The following PKN2 variants were observed in gnomAD, a reference collection of about 807,000 sequenced individuals.
The protein encoded by PKN2 is protein kinase N2.
Under a neutral mutation model 119.1 loss-of-function variants are expected in PKN2, and 38 were observed. The observed-to-expected ratio is 0.32, with a 90% CI of 0.25 to 0.42. PKN2 has a LOEUF of 0.42. Among genes scored for constraint, PKN2 ranks in the 10% least tolerant of loss-of-function variants. PKN2 has a pLI of 1.00. For missense variants in PKN2, 850 were observed against 1,165.1 expected, an observed-to-expected ratio of 0.73 and a Z score of 3.94; for synonymous variants, 390 against 384.9, an observed-to-expected ratio of 1.01 and a Z score of -0.15.
At chr1:88,761,378 A>G (rs1372240250) in intron 3 of PKN2, among the ~76,000 whole-genome samples, 1 of 151,960 alleles carries the variant, frequency 6.6e-6, no homozygotes, top group Non-Finnish European at 1.5e-5. Context: ...TAATTTCTTA[A>G]TAAAAGTTCT....
intron 6 of PKN2, among the ~76,000 whole-genome samples, chr1:88,778,098 G>A (rs990496307): frequency 6.6e-6 from 1 of 152,050 alleles, no homozygotes; most frequent in African/African-American, 2.4e-5. Flanking sequence ...ATCTTTTCTG[G>A]ACCCAACTAA....
chr1:88,819,565 G>T (rs753526340), intron 16 of PKN2, among the ~76,000 whole-genome samples: 1 of 152,192 alleles, frequency 6.6e-6, no homozygotes, highest in Non-Finnish European at 1.5e-5. Flanking sequence ...CACTGTTGGT[G>T]GGAGTGTAAA....
intron 16 of PKN2, among the ~76,000 whole-genome samples, chr1:88,817,839 C>T (rs1171110200): frequency 6.6e-6 from 1 of 151,932 alleles, no homozygotes; most frequent in African/African-American, 2.4e-5. Context: ...AACCCACAGC[C>T]AATATTCAAC....
intron 1 of PKN2, among the ~76,000 whole-genome samples, chr1:88,698,697 C>T (rs1666641519): frequency 6.6e-6 from 1 of 152,138 alleles, no homozygotes; most frequent in Non-Finnish European, 1.5e-5. Context: ...ATTAGTCCTA[C>T]TCCCCAGAAG....
chr1:88,781,072 C>T, intron 6 of PKN2: 1 of 1,161,596 alleles, frequency 8.6e-7, no homozygotes, highest in Non-Finnish European at 1.1e-6. Context: ...CCTACTGGAC[C>T]ATAAACTAAA....
chr1:88,769,310 G>C (rs1007370947), intron 3 of PKN2, among the ~76,000 whole-genome samples: 1 of 151,970 alleles, frequency 6.6e-6, no homozygotes, highest in Non-Finnish European at 1.5e-5. Context: ...TTGTCACCAG[G>C]GTTGACAAAT....
intron 17 of PKN2, among the ~76,000 whole-genome samples, chr1:88,823,540 G>T (rs1172443497): frequency 6.7e-6 from 1 of 149,928 alleles, no homozygotes; most frequent in Admixed American, 6.7e-5. Context: ...CATCTCTACT[G>T]CAAATAAAAA....
intron 8 of PKN2, among the ~76,000 whole-genome samples, chr1:88,794,377 A>C (rs1670975621): frequency 6.6e-6 from 1 of 152,140 alleles, no homozygotes; most frequent in Non-Finnish European, 1.5e-5. Context: ...CAAAAAAAAA[A>C]AAAAAAAATC....
intron 1 of PKN2, among the ~76,000 whole-genome samples, chr1:88,736,144 C>T (rs1249478049): frequency 2.0e-5 from 3 of 152,196 alleles, no homozygotes; most frequent in East Asian, 1.9e-4. Context: ...TTTTGTTCAT[C>T]GTATTTTTCA....
rs189193989 is a variant in PKN2, at chr1:88,797,442, G to A, written c.1282-6949G>A. ...GCGGATCACGAGGTCAAGAGATCAA[G>A]ACCATCCTTGCCAACATGGTGAAAC... On this transcript the variant is annotated intron_variant, in intron 8 of 21. Coordinates refer to ENST00000370521, the MANE Select transcript of PKN2 (RefSeq NM_006256.4). 2.5e-3 allele frequency among the ~76,000 whole-genome samples: 384 copies of A among 151,386 alleles called. 1 individual carries two copies. Among genetic ancestry groups the A allele is most frequent in the African/African-American group, 8.7e-3 (358 of 41,242 alleles).
intron 1 of PKN2, among the ~76,000 whole-genome samples, chr1:88,713,746 G>T (rs1452278498): frequency 6.6e-6 from 1 of 152,100 alleles, no homozygotes; most frequent in Admixed American, 6.5e-5. Flanking sequence ...CACTCTGATG[G>T]TAGTTTCTTT....
chr1:88,834,324 C>A lies in PKN2; in HGVS notation c.*876C>A, dbSNP rs935545296. On this transcript the variant is annotated 3_prime_UTR_variant, in exon 22 of 22. Coordinates refer to ENST00000370521, the MANE Select transcript of PKN2 (RefSeq NM_006256.4). ...TGGTATTCACTCTACATCTGCCAAC[C>A]TAGTTCACCTTGGTTTTGTGTCTGC... The A allele has an allele frequency of 3.9e-5, 6 of 152,430 alleles. No homozygotes were observed. The highest frequency in any genetic ancestry group is 1.4e-4 in the African/African-American group (6 of 41,412). The allele number at this position is 152,430 out of a possible 1,614,324, so 9.4% of individuals were successfully genotyped here.
chr1:88,737,700 C>T (rs1170448884), intron 1 of PKN2, among the ~76,000 whole-genome samples: 1 of 152,130 alleles, frequency 6.6e-6, no homozygotes, highest in African/African-American at 2.4e-5. Flanking sequence ...CTAGCTTGGT[C>T]TGGGGTTAAG....
intron 19 of PKN2, chr1:88,829,115 G>A (rs560396342): frequency 2.7e-6 from 2 of 728,648 alleles, no homozygotes; most frequent in Non-Finnish European, 5.2e-6. Context: ...GATGGAGAGA[G>A]GAGAAAACCT....
rs539126252 is a variant in PKN2 at position 88,708,424 on chromosome 1, G to GA, written c.48+23804dup. Reference sequence around the variant, plus strand: ...CTTCGGGGTACTGCTTATATCCATGGAAAAAAAATGTTTCTTTGTTTTGGA... The same window carrying GA: ...CTTCGGGGTACTGCTTATATCCATGGAAAAAAAAATGTTTCTTTGTTTTGGA... On this transcript the variant is annotated intron_variant, in intron 1 of 21. Transcript: ENST00000370521. Among the ~76,000 whole-genome samples the GA allele has an allele frequency of 4.6e-5, 7 of 151,250 alleles. No homozygotes were observed. The South Asian group carries it at 6.3e-4, about 14-fold the overall frequency.
chr1:88,726,556 C>T (rs111295666), intron 1 of PKN2, among the ~76,000 whole-genome samples: 28 of 152,106 alleles, frequency 1.8e-4, no homozygotes, highest in African/African-American at 4.6e-4. Context: ...TCTTTTTCTT[C>T]GGTACTATAT....
intron 10 of PKN2, 77 bp from the exon 11 acceptor site, chr1:88,805,420 T>G: frequency 8.0e-7 from 1 of 1,257,148 alleles, no homozygotes; most frequent in Non-Finnish European, 1.1e-6. Flanking sequence ...AACTAATGGA[T>G]AAGAATTTTT....
intron 3 of PKN2, among the ~76,000 whole-genome samples, chr1:88,764,460 T>C (rs1335235164): frequency 6.6e-6 from 1 of 152,212 alleles, no homozygotes; most frequent in Non-Finnish European, 1.5e-5. Flanking sequence ...CATTAGAATA[T>C]AAATTTCATG....
At chr1:88,832,925 A>G (rs1302134488) in intron 20 of PKN2, 74 bp downstream of exon 20, 7 of 1,203,256 alleles carry the variant, frequency 5.8e-6, no homozygotes, top group East Asian at 2.4e-5. Flanking sequence ...ATTTCCCAGT[A>G]GAACTTTAAA....
Sources: allele counts gnomAD v4.1 joint callset (sites outside exome capture counted in the v4.1 genomes callset), GRCh38; gene constraint gnomAD v4.1.1; transcripts MANE v1.5; gene names NCBI Gene and HGNC (gene_info 2026-07-23, HGNC 2026-07-21).